C4orf51: variants seen among roughly 807,000 people sequenced by gnomAD.
The protein encoded by C4orf51 is uncharacterized protein C4orf51.
C4orf51 carries 25 observed loss-of-function variants against 25.2 expected under a neutral mutation model. That is an observed-to-expected ratio of 0.99 (90% CI 0.72 to 1.39). C4orf51 has a LOEUF of 1.39. C4orf51 is among the 40% of genes most tolerant of loss of function. The pLI, the probability that C4orf51 is intolerant of heterozygous loss-of-function variation, is 0.00. For synonymous variants in C4orf51, 100 were observed against 84.5 expected (o/e 1.18, Z -1.01); for missense variants, 252 against 239.6 (o/e 1.05, Z -0.34).
At chr4:145,707,728 G>T (rs1044976531) in intron 2 of C4orf51, among the ~76,000 whole-genome samples, 5 of 152,140 alleles carry the variant, frequency 3.3e-5, no homozygotes, top group Non-Finnish European at 5.9e-5. Flanking sequence ...GGAGGGAGGG[G>T]GTGCCATTTC....
At chr4:145,772,606 G>T (rs187430072), downstream of C4orf51, among the ~76,000 whole-genome samples, 7 of 152,292 alleles carry the variant, frequency 4.6e-5, no homozygotes, top group East Asian at 1.4e-3. Context: ...CAGCCGAGTT[G>T]AGTAGTAGTG....
intron 1 of C4orf51, among the ~76,000 whole-genome samples, chr4:145,740,832 G>A (rs1733059458): frequency 6.6e-6 from 1 of 152,176 alleles, no homozygotes; most frequent in Non-Finnish European, 1.5e-5. Flanking sequence ...TTGTGATTCT[G>A]GCATGAACTA....
intron 2 of C4orf51, among the ~76,000 whole-genome samples, chr4:145,699,379 G>A (rs1467252067): frequency 6.7e-6 from 1 of 148,924 alleles, no homozygotes. Context: ...CAGGTCCTCA[G>A]ACCGACCAGC....
At chr4:145,784,193 C>T in the C4orf51 span, among the ~76,000 whole-genome samples, 1 of 152,182 alleles carries the variant, frequency 6.6e-6, no homozygotes, top group Non-Finnish European at 1.5e-5. Flanking sequence ...AAAACCCTTT[C>T]ATTGTAAATT....
intron 1 of C4orf51, among the ~76,000 whole-genome samples, chr4:145,741,049 C>T (rs1002225993): frequency 2.6e-5 from 4 of 152,138 alleles, no homozygotes; most frequent in African/African-American, 9.7e-5. Context: ...CCTCCTCCTC[C>T]TCACAAAGGT....
intron 1 of C4orf51, among the ~76,000 whole-genome samples, chr4:145,689,918 G>C (rs1243351226): frequency 6.6e-6 from 1 of 152,130 alleles, no homozygotes; most frequent in African/African-American, 2.4e-5. Context: ...AAAAATCCTA[G>C]AAGAGGCTGG....
chr4:145,693,669 C>G (rs1304686419), intron 1 of C4orf51, among the ~76,000 whole-genome samples: 1 of 106,288 alleles, frequency 9.4e-6, no homozygotes. Flanking sequence ...GGGGCTGACC[C>G]CCCCCACCTC....
chr4:145,737,059 T>C (rs1015069923), downstream of C4orf51, among the ~76,000 whole-genome samples: 2 of 151,858 alleles, frequency 1.3e-5, no homozygotes, highest in African/African-American at 4.8e-5. Context: ...CATCTCCTTA[T>C]CTACCAGTCC....
intron 1 of C4orf51, among the ~76,000 whole-genome samples, chr4:145,769,226 GTA>G (rs1339584555): frequency 6.6e-6 from 1 of 151,318 alleles, no homozygotes; most frequent in East Asian, 1.9e-4. Flanking sequence ...AGGAGCAATG[GTA>G]TATGACTTTA....
the C4orf51 span, among the ~76,000 whole-genome samples, chr4:145,784,281 C>A: frequency 6.6e-6 from 1 of 152,190 alleles, no homozygotes; most frequent in East Asian, 1.9e-4. Context: ...TGAGTGAACG[C>A]CAGCAACCAC....
chr4:145,704,131 C>A (rs1176493404), intron 2 of C4orf51, among the ~76,000 whole-genome samples: 1 of 152,176 alleles, frequency 6.6e-6, no homozygotes, highest in African/African-American at 2.4e-5. Context: ...GGAGTCTTGG[C>A]TGGCAAAGGT....
chr4:145,745,388 A>G (rs1733318208), intron 1 of C4orf51, among the ~76,000 whole-genome samples: 2 of 141,758 alleles, frequency 1.4e-5, no homozygotes, highest in Admixed American at 1.5e-4. Flanking sequence ...AACCCTTCCC[A>G]GACTCTGGTA....
chr4:145,777,426 G>A, the C4orf51 span, among the ~76,000 whole-genome samples: 1 of 152,186 alleles, frequency 6.6e-6, no homozygotes, highest in African/African-American at 2.4e-5. Flanking sequence ...TGGACCTGAT[G>A]CCTTTATAAA....
chr4:145,718,212 G>C (rs1361602344), intron 2 of C4orf51, among the ~76,000 whole-genome samples: 2 of 152,200 alleles, frequency 1.3e-5, no homozygotes, highest in Non-Finnish European at 2.9e-5. Flanking sequence ...ACTACAAGGA[G>C]GTGTTATGTG....
intron 1 of C4orf51, among the ~76,000 whole-genome samples, chr4:145,695,868 T>G (rs1730013204): frequency 6.6e-6 from 1 of 152,222 alleles, no homozygotes; most frequent in South Asian, 2.1e-4. Flanking sequence ...GCAGAAACAT[T>G]GATGGAGCTG....
intron 1 of C4orf51, among the ~76,000 whole-genome samples, chr4:145,687,642 C>T (rs1324277232): frequency 2.0e-5 from 3 of 152,152 alleles, no homozygotes; most frequent in African/African-American, 7.2e-5. Flanking sequence ...TCAGAATAGT[C>T]CAAAATTGTT....
intron 1 of C4orf51, chr4:145,764,712 T>G: frequency 1.5e-5 from 7 of 459,814 alleles, no homozygotes; most frequent in Non-Finnish European, 2.4e-5. Flanking sequence ...GTGTAGTCTA[T>G]TCTTGCATGC....
intron 2 of C4orf51, among the ~76,000 whole-genome samples, chr4:145,722,518 G>T (rs1189505557): frequency 6.6e-6 from 1 of 152,122 alleles, no homozygotes; most frequent in Non-Finnish European, 1.5e-5. Flanking sequence ...ACCATTGAAT[G>T]ACTTATTCTT....
the C4orf51 span, among the ~76,000 whole-genome samples, chr4:145,781,368 T>C: frequency 6.6e-6 from 1 of 152,082 alleles, no homozygotes; most frequent in Non-Finnish European, 1.5e-5. Context: ...GGGATCAATT[T>C]TCACTGGAAT....
Sources: gnomAD v4.1 joint callset for allele counts (sites outside exome capture counted in the v4.1 genomes callset) on GRCh38, gnomAD v4.1.1 for gene constraint, MANE v1.5 for transcripts, NCBI Gene and HGNC (gene_info 2026-07-23, HGNC 2026-07-21) for gene names.